The following HNRNPH1 variants were observed in gnomAD, a reference collection of about 807,000 sequenced individuals.
The protein encoded by HNRNPH1 is heterogeneous nuclear ribonucleoprotein H.
A neutral mutation model predicts 58.6 loss-of-function variants in HNRNPH1; 4 were observed. That is an observed-to-expected ratio of 0.07 (90% confidence interval 0.03 to 0.16). The LOEUF is 0.16. Among genes scored for constraint, HNRNPH1 ranks in the 10% least tolerant of loss-of-function variants. HNRNPH1 has a pLI of 1.00. For missense variants in HNRNPH1, 271 were observed against 564.2 expected (o/e 0.48, Z 5.26); for synonymous variants, 192 against 189.2 (o/e 1.01, Z -0.12).
At chr5:179,631,640 A>G (rs961526447) in intron 2 of HNRNPH1, among the ~76,000 whole-genome samples, 7 of 151,976 alleles carry the variant, frequency 4.6e-5, no homozygotes, top group East Asian at 1.9e-4. Context: ...CCAGCTACTC[A>G]GGGGGCTGAG....
At chr5:179,627,788 G>C (rs1026989257), upstream of HNRNPH1, among the ~76,000 whole-genome samples, 1 of 147,284 alleles carries the variant, frequency 6.8e-6, no homozygotes, top group African/African-American at 2.5e-5. Flanking sequence ...CGGGCATGGT[G>C]GTGGGCGCCT....
chr5:179,619,974 G>A (rs985797852), intron 3 of HNRNPH1: 32 of 152,284 alleles, frequency 2.1e-4, no homozygotes, highest in African/African-American at 7.0e-4. Flanking sequence ...TGGAAATTCC[G>A]TCTATGAAAA....
upstream of HNRNPH1, among the ~76,000 whole-genome samples, chr5:179,626,107 T>G (rs1414138131): frequency 6.6e-6 from 1 of 151,306 alleles, no homozygotes; most frequent in Non-Finnish European, 1.5e-5. Context: ...AAGGTTTTTT[T>G]GTTTGGTTTT....
upstream of HNRNPH1, among the ~76,000 whole-genome samples, chr5:179,624,896 T>C (rs888550357): frequency 2.6e-5 from 4 of 152,156 alleles, no homozygotes; most frequent in African/African-American, 7.2e-5. Flanking sequence ...AATCCAGTTT[T>C]GACAGGTTTG....
chr5:179,622,487 G>A (rs1772947383), intron 1 of HNRNPH1, among the ~76,000 whole-genome samples: 1 of 152,186 alleles, frequency 6.6e-6, no homozygotes, highest in Non-Finnish European at 1.5e-5. Flanking sequence ...GAGGTGGGCG[G>A]ATCACTTGAG....
exon 1 of HNRNPH1, chr5:179,624,523 G>C (rs1581756696): frequency 7.5e-6 from 3 of 398,728 alleles, no homozygotes; most frequent in East Asian, 7.1e-5. Context: ...CTCTGCGCTC[G>C]GTAGGTTACC....
At chr5:179,628,245 G>A (rs938227426), upstream of HNRNPH1, among the ~76,000 whole-genome samples, 8 of 152,182 alleles carry the variant, frequency 5.3e-5, no homozygotes, top group African/African-American at 1.9e-4. Context: ...CAGAGATTGA[G>A]CACATATTTG....
chr5:179,622,508 C>G lies in HNRNPH1; in HGVS notation c.97+529G>C, dbSNP rs1263579859. Among the ~76,000 whole-genome samples, 11 of 152,216 alleles carry G rather than the reference C, an allele frequency of 7.2e-5. No individual in the cohort carries two copies. The East Asian group carries it at 1.4e-3, about 19-fold the overall frequency. ...GGCGGATCACTTGAGGTCAGATGTT[C>G]GAGACCAGCCTGGCCAAAATAGTGA... On this transcript the variant is annotated intron_variant, in intron 1 of 12. Coordinates refer to ENST00000356731, the Ensembl canonical transcript of HNRNPH1.
At chr5:179,633,367 C>T (rs1163249540) in intron 2 of HNRNPH1, among the ~76,000 whole-genome samples, 1 of 151,648 alleles carries the variant, frequency 6.6e-6, no homozygotes, top group Non-Finnish European at 1.5e-5. Context: ...ACAATCTCGG[C>T]TCACTGCAAG....
intron 10 of HNRNPH1, chr5:179,616,603 T>TA (rs545130069): frequency 9.4e-4 from 497 of 529,014 alleles, no homozygotes; most frequent in African/African-American, 8.4e-3. Flanking sequence ...TGCTATTGAT[T>TA]TAAACTTTAT....
intron 2 of HNRNPH1, among the ~76,000 whole-genome samples, chr5:179,633,226 A>T (rs1459112335): frequency 2.6e-5 from 4 of 151,740 alleles, no homozygotes; most frequent in African/African-American, 9.7e-5. Context: ...TCCAGAGATC[A>T]GGTAATCCGC....
intron 3 of HNRNPH1, among the ~76,000 whole-genome samples, chr5:179,620,243 C>T (rs561475731): frequency 3.9e-5 from 6 of 152,318 alleles, no homozygotes; most frequent in Non-Finnish European, 8.8e-5. Context: ...TTAAAATATA[C>T]GATATCTTAT....
At chr5:179,632,657 A>G (rs1417665442) in intron 2 of HNRNPH1, among the ~76,000 whole-genome samples, 1 of 152,134 alleles carries the variant, frequency 6.6e-6, no homozygotes, top group African/African-American at 2.4e-5. Flanking sequence ...CGCCTCCTCC[A>G]GGCGGACAAC....
exon 1 of HNRNPH1, chr5:179,623,237 C>A: frequency 1.4e-6 from 1 of 725,126 alleles, no homozygotes; most frequent in Non-Finnish European, 2.2e-6. Flanking sequence ...CGCCCGGGCC[C>A]GCACCGCCCC....
intron 2 of HNRNPH1, 79 bp from the exon 4 acceptor site, chr5:179,621,114 TAGGAA>T: frequency 6.5e-7 from 1 of 1,533,968 alleles, no homozygotes; most frequent in Non-Finnish European, 9.0e-7. Context: ...TTAGATAAGC[TAGGAA>T]GAGCTGCCAC....
chr5:179,620,603 C>A (rs1033561375), intron 3 of HNRNPH1: 2 of 315,522 alleles, frequency 6.3e-6, no homozygotes, highest in African/African-American at 2.1e-5. Flanking sequence ...AGGTACTTAG[C>A]TGGACACCAA....
At chr5:179,614,784 GAAAAAAAAAA>G (rs35827689) in exon 13 of HNRNPH1, 19 of 446,196 alleles carry the variant, frequency 4.3e-5, no homozygotes, top group Middle Eastern at 1.4e-3. Context: ...TTTTCTTAAA[GAAAAAAAAAA>G]AAAAAAAAAA....
rs1338459937 is a variant in HNRNPH1, at chr5:179,633,292, GTTT to G, written c.-32+770_-32+772del. ...AGGTGTGAGCCACCACGCCCGGCCT[GTTT>G]GTTTGTTTGTTTGTTTGTTTGAGAC... On this transcript the variant is annotated intron_variant, in intron 2 of 4. Coordinates refer to the HNRNPH1 transcript ENST00000521116. 4.1e-4 allele frequency among the ~76,000 whole-genome samples: 25 copies of G among 60,548 alleles called. No homozygotes were observed. In the South Asian group the frequency reaches 0.036, roughly 87 times the overall value. The allele number at this position is 60,548 out of a possible 152,430, so 39.7% of individuals were successfully genotyped here.
At chr5:179,621,731 CA>C (rs1403480617) in intron 1 of HNRNPH1, 3 of 386,296 alleles carry the variant, frequency 7.8e-6, no homozygotes, top group African/African-American at 6.2e-5. Flanking sequence ...GACTTTACGG[CA>C]AACATACTTC....
Sources: allele counts gnomAD v4.1 joint callset (sites outside exome capture counted in the v4.1 genomes callset), GRCh38; gene constraint gnomAD v4.1.1; transcripts MANE v1.5; gene names NCBI Gene and HGNC (gene_info 2026-07-23, HGNC 2026-07-21).